Variants in RCAN2 observed in about 807,000 individuals in gnomAD.
RCAN2 encodes the protein calcipressin-2.
RCAN2 carries 9 observed loss-of-function variants against 23.6 expected under a neutral mutation model. The observed-to-expected ratio is 0.38, with a 90% confidence interval of 0.23 to 0.67. The LOEUF (loss-of-function observed/expected upper bound fraction) is 0.67. RCAN2 is among the 30% of genes least tolerant of loss of function. The pLI, the probability that RCAN2 is intolerant of heterozygous loss-of-function variation, is 0.51. For missense variants in RCAN2, 273 were observed against 302.3 expected (o/e 0.90, Z 0.72); for synonymous variants, 109 against 115.7 (o/e 0.94, Z 0.37).
intron 1 of RCAN2, among the ~76,000 whole-genome samples, chr6:46,479,703 C>T (rs1205479834): frequency 2.6e-5 from 4 of 151,836 alleles, no homozygotes; most frequent in East Asian, 1.9e-4. Flanking sequence ...CTGCCTCAGC[C>T]TCCTGAGTAG....
intron 2 of RCAN2, among the ~76,000 whole-genome samples, chr6:46,318,360 G>T (rs113473232): frequency 1.5e-3 from 232 of 152,170 alleles, no homozygotes; most frequent in African/African-American, 5.4e-3. Context: ...TCATCTTTCT[G>T]GAAGCTAAAG....
intron 2 of RCAN2, among the ~76,000 whole-genome samples, chr6:46,332,403 C>A (rs1007855294): frequency 1.5e-4 from 23 of 151,898 alleles, no homozygotes; most frequent in Admixed American, 1.3e-3. Flanking sequence ...GGGTGTGCTG[C>A]ACCCATTAAC....
At chr6:46,307,133 T>G (rs999221540) in intron 2 of RCAN2, among the ~76,000 whole-genome samples, 1 of 152,142 alleles carries the variant, frequency 6.6e-6, no homozygotes, top group Admixed American at 6.6e-5. Context: ...AACAGAATTT[T>G]AAATTCATCA....
intron 2 of RCAN2, among the ~76,000 whole-genome samples, chr6:46,305,479 T>C (rs1033297719): frequency 6.6e-6 from 1 of 152,032 alleles, no homozygotes; most frequent in Non-Finnish European, 1.5e-5. Context: ...AAAGCACTTG[T>C]GCTCAAGATT....
At chr6:46,454,031 A>G (rs1767953979) in intron 2 of RCAN2, among the ~76,000 whole-genome samples, 1 of 152,170 alleles carries the variant, frequency 6.6e-6, no homozygotes, top group South Asian at 2.1e-4. Flanking sequence ...AACAATTACC[A>G]TGGCCAGCCT....
At chr6:46,383,399 G>C (rs1189731067) in intron 2 of RCAN2, among the ~76,000 whole-genome samples, 2 of 152,018 alleles carry the variant, frequency 1.3e-5, no homozygotes, top group Non-Finnish European at 2.9e-5. Flanking sequence ...TTTTTACCCA[G>C]ACTTTATATC....
intron 2 of RCAN2, among the ~76,000 whole-genome samples, chr6:46,368,679 T>C (rs1765243216): frequency 1.3e-5 from 2 of 152,036 alleles, no homozygotes; most frequent in South Asian, 2.1e-4. Flanking sequence ...ATAGAAAAGG[T>C]ACACTAAAAA....
chr6:46,293,147 C>T (rs1318430906), intron 2 of RCAN2, among the ~76,000 whole-genome samples: 4 of 152,178 alleles, frequency 2.6e-5, no homozygotes, highest in South Asian at 2.1e-4. Flanking sequence ...GGGTTGGTTC[C>T]AAGTCTTTGC....
intron 2 of RCAN2, among the ~76,000 whole-genome samples, chr6:46,264,132 C>G (rs972069892): frequency 3.3e-5 from 5 of 152,190 alleles, no homozygotes; most frequent in Admixed American, 1.3e-4. Flanking sequence ...GTTCTACCTT[C>G]TCAACATTGA....
chr6:46,451,878 G>C (rs947553978), intron 2 of RCAN2, among the ~76,000 whole-genome samples: 2 of 152,046 alleles, frequency 1.3e-5, no homozygotes, highest in South Asian at 4.1e-4. Flanking sequence ...TTTAATGGTT[G>C]GCAGAATTAC....
intron 1 of RCAN2, among the ~76,000 whole-genome samples, chr6:46,483,793 C>T (rs967989013): frequency 8.5e-5 from 13 of 152,178 alleles, no homozygotes; most frequent in African/African-American, 3.1e-4. Context: ...TAAATAGTTG[C>T]TTGTATGTCA....
intron 2 of RCAN2, among the ~76,000 whole-genome samples, chr6:46,357,044 C>A (rs889475024): frequency 6.6e-6 from 1 of 152,156 alleles, no homozygotes; most frequent in Non-Finnish European, 1.5e-5. Flanking sequence ...GTGCAGACTG[C>A]CATTGCCAGG....
At chr6:46,238,488 A>G (rs1766186313) in intron 4 of RCAN2, among the ~76,000 whole-genome samples, 1 of 152,118 alleles carries the variant, frequency 6.6e-6, no homozygotes, top group African/African-American at 2.4e-5. Flanking sequence ...AGGACTGTCA[A>G]CTCCAAAATA....
chr6:46,395,761 T>G (rs1766071115), intron 2 of RCAN2, among the ~76,000 whole-genome samples: 1 of 152,214 alleles, frequency 6.6e-6, no homozygotes, highest in South Asian at 2.1e-4. Flanking sequence ...AGGAAACATT[T>G]ACTCTATCAG....
intron 2 of RCAN2, among the ~76,000 whole-genome samples, chr6:46,305,734 C>T (rs190437850): frequency 6.6e-6 from 1 of 152,090 alleles, no homozygotes; most frequent in East Asian, 1.9e-4. Context: ...GAAAATATTT[C>T]TCCATAGACA....
chr6:46,296,440 C>T (rs1487689721), intron 2 of RCAN2, among the ~76,000 whole-genome samples: 1 of 152,034 alleles, frequency 6.6e-6, no homozygotes, highest in Non-Finnish European at 1.5e-5. Context: ...TGTAACTGAT[C>T]CTTATTATGC....
At chr6:46,423,279 C>CT (rs1766933854) in intron 2 of RCAN2, among the ~76,000 whole-genome samples, 1 of 152,152 alleles carries the variant, frequency 6.6e-6, no homozygotes, top group Non-Finnish European at 1.5e-5. Flanking sequence ...AGTGGCTTGT[C>CT]TAAGATCACA....
At chr6:46,405,943 G>A (rs999067855) in intron 2 of RCAN2, among the ~76,000 whole-genome samples, 1 of 152,316 alleles carries the variant, frequency 6.6e-6, no homozygotes, top group South Asian at 2.1e-4. Flanking sequence ...GCAAGAGATC[G>A]AGCACAGCGC....
intron 2 of RCAN2, among the ~76,000 whole-genome samples, chr6:46,332,491 G>A (rs1764008554): frequency 1.5e-5 from 2 of 131,922 alleles, no homozygotes; most frequent in Non-Finnish European, 3.0e-5. Context: ...CCCAGAGTGT[G>A]ATGTTCCCCT....
Sources: allele counts gnomAD v4.1 joint callset (sites outside exome capture counted in the v4.1 genomes callset), GRCh38; gene constraint gnomAD v4.1.1; transcripts MANE v1.5; gene names NCBI Gene and HGNC (gene_info 2026-07-23, HGNC 2026-07-21).